Variants in BORA observed in about 807,000 individuals in gnomAD.
BORA encodes the protein BORA aurora kinase A activator.
In BORA, 26 loss-of-function variants were observed where a neutral mutation model predicts 55.8. The observed-to-expected ratio is 0.47, with a 90% CI of 0.34 to 0.65. BORA has a LOEUF of 0.65. BORA is among the 30% of genes least tolerant of loss of function. BORA has a pLI of 0.01. For synonymous variants in BORA, 201 were observed against 216.9 expected (o/e 0.93, Z 0.64); for missense variants, 568 against 671.5 (o/e 0.85, Z 1.70).
intron 5 of BORA, among the ~76,000 whole-genome samples, chr13:72,742,050 T>A (rs1320470699): frequency 6.6e-6 from 1 of 152,178 alleles, no homozygotes; most frequent in Non-Finnish European, 1.5e-5. Flanking sequence ...TGATTACATC[T>A]GCCTTATAGA....
chr13:72,731,533 T>C lies in BORA; in HGVS notation c.260+146T>C, dbSNP rs538553767. The stretch of plus-strand genomic sequence containing the variant: ...ATTTTTTCTATCTAAATGAATGAGT[T>C]CAAAGAACTACATTCAGAAAGATTT... On this transcript the variant is annotated intron_variant, in intron 3 of 11. Transcript: ENST00000390667. The C allele has an allele frequency of 5.4e-4, 351 of 654,508 alleles. 3 individuals carry two copies. In the African/African-American group the frequency reaches 5.9e-3, roughly 11 times the overall value. 40.5% of individuals were successfully genotyped at this position (654,508 alleles called of 1,614,324 possible). A position where few individuals can be genotyped will look rare whatever the true frequency, so the allele number is the denominator to read the frequency against.
intron 5 of BORA, among the ~76,000 whole-genome samples, chr13:72,742,800 AC>A (rs2033062678): frequency 7.1e-6 from 1 of 140,400 alleles, no homozygotes; most frequent in Admixed American, 6.8e-5. Flanking sequence ...ACACACACAC[AC>A]ACACACACAC....
rs563479187 is a variant in BORA, at chr13:72,728,648, A to G, written c.-15-278A>G. Among the ~76,000 whole-genome samples the G allele has an allele frequency of 7.8e-4, 119 of 152,310 alleles. 1 individual carries two copies. Among genetic ancestry groups the G allele is most frequent in the Middle Eastern group, 6.8e-3 (2 of 294 alleles). ...CAGAGGCAGATCTGAATTCATTCATATTTGATTGCTGCGTATAAGCCACTT... is the reference window on the plus strand; with the variant it reads ...CAGAGGCAGATCTGAATTCATTCATGTTTGATTGCTGCGTATAAGCCACTT... On this transcript the variant is annotated intron_variant, in intron 1 of 11. Coordinates refer to ENST00000390667, the MANE Select transcript of BORA (RefSeq NM_024808.5).
rs1389997952 is a variant in BORA at position 72,753,757 on chromosome 13, A to G, written c.1550A>G (p.Tyr517Cys). ...ATGGATACAGTTGGGGCAGAAAGTTACTGCAAAGAAAGTGATGCACAAACA... is the reference window on the plus strand; with the variant it reads ...ATGGATACAGTTGGGGCAGAAAGTTGCTGCAAAGAAAGTGATGCACAAACA... ...NIMDTVGAES[Y>C]CKESDAQTCE... The change falls in exon 11 of 12, where the codon TAC becomes TGC. Residue 517 changes from tyrosine (Y) to cysteine (C), a missense_variant. Coordinates refer to ENST00000390667, the MANE Select transcript of BORA (RefSeq NM_024808.5). 4 of 1,613,406 alleles carry G rather than the reference A, an allele frequency of 2.5e-6. No homozygotes were observed. Among genetic ancestry groups the G allele is most frequent in the Non-Finnish European group, 3.4e-6 (4 of 1,179,446 alleles).
chr13:72,743,752 C>A, intron 6 of BORA, 150 bp downstream of exon 6: 1 of 581,696 alleles, frequency 1.7e-6, no homozygotes, highest in Non-Finnish European at 2.9e-6. Context: ...GAGACAGGGT[C>A]ACACTCTGTC....
At chr13:72,746,116 C>T (rs746265408) in intron 9 of BORA, 40 bp downstream of exon 9, 1 of 1,520,926 alleles carries the variant, frequency 6.6e-7, no homozygotes, top group Non-Finnish European at 9.0e-7. Context: ...AAGTTTTATA[C>T]TATCAATATT....
chr13:72,738,087 G>A (rs1395067164), intron 5 of BORA, 44 bp downstream of exon 5: 2 of 1,432,330 alleles, frequency 1.4e-6, no homozygotes, highest in South Asian at 2.4e-5. Context: ...AAAAAAGTCG[G>A]TGAATATAAA....
intron 5 of BORA, 127 bp from the exon 6 acceptor site, chr13:72,743,410 A>T (rs2033075863): frequency 1.9e-6 from 1 of 525,792 alleles, no homozygotes; most frequent in Admixed American, 4.0e-5. Flanking sequence ...ATATACTTAT[A>T]TATGCAGATT....
Position 72,741,946 on chromosome 13 carries a change from A to G in BORA, c.389-1591A>G, listed in dbSNP as rs2033041299. ...TTTAATTAGATGGCAACCATGCTAG[A>G]GAAATAGACATGGTTTTGAAAGGCT... On this transcript the variant is annotated intron_variant, in intron 5 of 11. Coordinates refer to ENST00000390667, the MANE Select transcript of BORA (RefSeq NM_024808.5). 2.0e-5 allele frequency among the ~76,000 whole-genome samples: 3 copies of G among 152,182 alleles called. 1 individual carries two copies. In the South Asian group the frequency reaches 6.2e-4, roughly 31 times the overall value.
At chr13:72,754,394 T>G (rs1449978384) in intron 11 of BORA, 1 of 152,848 alleles carries the variant, frequency 6.5e-6, no homozygotes, top group African/African-American at 2.4e-5. Context: ...ACTACAGCCT[T>G]TAACTGCTGG....
chr13:72,751,003 C>T (rs888090270), intron 10 of BORA, among the ~76,000 whole-genome samples: 2 of 152,134 alleles, frequency 1.3e-5, no homozygotes, highest in Admixed American at 1.3e-4. Context: ...TGGCAGATTT[C>T]AGTTTATAGC....
Position 72,746,827 on chromosome 13 carries a change from G to T in BORA, c.1198G>T (p.Val400Phe), listed in dbSNP as rs753314279. 6 of 1,614,120 alleles carry T rather than the reference G, an allele frequency of 3.7e-6. No individual in the cohort carries two copies. The highest frequency in any genetic ancestry group is 3.4e-6 in the Non-Finnish European group (4 of 1,180,000). The change falls in exon 10 of 12, where the codon GTT becomes TTT. Residue 400 changes from valine (V) to phenylalanine (F), a missense_variant. By Grantham distance (50) the Val-to-Phe change is conservative (BLOSUM62 -1). Transcript: ENST00000390667. ...NEASTHGTHL[V>F]VTAMSVTQNQ... is the part of the protein sequence containing the mutation. Reference sequence around the variant, plus strand: ...GGCTTCTACCCATGGTACACATTTGGTTGTGACTGCCATGTCTGTTACACA... The same window carrying T: ...GGCTTCTACCCATGGTACACATTTGTTTGTGACTGCCATGTCTGTTACACA...
rs1415690758 is a variant in BORA at position 72,727,925 on chromosome 13, A to G, written c.-98A>G. On this transcript the variant is annotated 5_prime_UTR_variant, in exon 1 of 12. Transcript: ENST00000390667. ...AGACAGCGCGGAAGCGGGGAGTTAAAGAGTCTATGCCTGTCGTGGAAGCTG... is the reference window on the plus strand; with the variant it reads ...AGACAGCGCGGAAGCGGGGAGTTAAGGAGTCTATGCCTGTCGTGGAAGCTG... 5.2e-6 allele frequency: 8 copies of G among 1,550,530 alleles called. No individual in the cohort carries two copies. Among genetic ancestry groups the G allele is most frequent in the Non-Finnish European group, 6.1e-6 (7 of 1,147,026 alleles).
rs200302310 is a variant in BORA at position 72,732,923 on chromosome 13, A to G, written c.260+1536A>G. Among the ~76,000 whole-genome samples, 45 of 152,308 alleles carry G rather than the reference A, an allele frequency of 3.0e-4. No homozygotes were observed. In the East Asian group the frequency reaches 8.5e-3, roughly 29 times the overall value. On this transcript the variant is annotated intron_variant, in intron 3 of 11. Coordinates refer to ENST00000390667, the MANE Select transcript of BORA (RefSeq NM_024808.5). ...AAACACTGAAGAAGTACAAGATACT[A>G]AGAGTCAAGAGTCAAAAATATAATT...
intron 10 of BORA, chr13:72,752,050 G>C (rs1419828702): frequency 6.6e-6 from 1 of 152,110 alleles, no homozygotes; most frequent in East Asian, 1.9e-4. Context: ...AATGACATCT[G>C]ATTTATGTGG....
At chr13:72,752,653 G>A (rs749322706) in intron 10 of BORA, 5 of 152,116 alleles carry the variant, frequency 3.3e-5, no homozygotes, top group Non-Finnish European at 7.4e-5. Context: ...GCAGAACAAG[G>A]CTTTTCCCCA....
chr13:72,752,675 C>T (rs563482045), intron 10 of BORA: 1 of 152,160 alleles, frequency 6.6e-6, no homozygotes, highest in Non-Finnish European at 1.5e-5. Flanking sequence ...AAATGTTACA[C>T]ATCACAAGGC....
At chr13:72,740,024 G>GT (rs2033005212) in intron 5 of BORA, among the ~76,000 whole-genome samples, 1 of 148,064 alleles carries the variant, frequency 6.8e-6, no homozygotes, top group African/African-American at 2.5e-5. Context: ...GGGTTGGGGG[G>GT]TCAGTCAGGT....
Position 72,755,194 on chromosome 13 carries a change from C to CT in BORA, c.1662dup (p.Gln555SerfsTer50). On this transcript the variant is annotated frameshift_variant, in exon 12 of 12. Transcript: ENST00000390667. LOFTEE classifies it high-confidence loss of function. ...AGGTGTTGGATGAAAACAGCAAGCC[C>CT]TTTTCAATGCAGCAGTCCATAGAAT... The CT allele has an allele frequency of 6.2e-7, 1 of 1,613,508 alleles. No homozygotes were observed.
Sources: gnomAD v4.1 joint callset for allele counts (sites outside exome capture counted in the v4.1 genomes callset) on GRCh38, gnomAD v4.1.1 for gene constraint, MANE v1.5 for transcripts, NCBI Gene and HGNC (gene_info 2026-07-23, HGNC 2026-07-21) for gene names.